The following UTRN variants were observed in gnomAD, a reference collection of about 807,000 sequenced individuals.
UTRN encodes dystrophin-related protein 1.
A neutral mutation model predicts 463.9 loss-of-function variants in UTRN; 283 were observed. That is an observed-to-expected ratio of 0.61 (90% CI 0.55 to 0.67). The LOEUF is 0.67. UTRN is among the 30% of genes least tolerant of loss of function. UTRN has a pLI of 0.00. For missense variants in UTRN, 3,922 were observed against 4,084.3 expected (o/e 0.96, Z 1.08); for synonymous variants, 1,442 against 1,431.5 (o/e 1.01, Z -0.17).
chr6:144,290,698 A>G (rs1239020697), intron 1 of UTRN, among the ~76,000 whole-genome samples: 1 of 149,542 alleles, frequency 6.7e-6, no homozygotes, highest in Non-Finnish European at 1.5e-5. Context: ...ATTCTGCCAT[A>G]GTCTTCACTG....
At chr6:144,802,122 C>T (rs972485062) in intron 64 of UTRN, among the ~76,000 whole-genome samples, 2 of 152,154 alleles carry the variant, frequency 1.3e-5, no homozygotes, top group African/African-American at 4.8e-5. Flanking sequence ...CAGCAGAAAA[C>T]AAAATTTCAT....
chr6:144,561,315 CA>C (rs953238027), intron 50 of UTRN, among the ~76,000 whole-genome samples: 3 of 143,968 alleles, frequency 2.1e-5, no homozygotes, highest in African/African-American at 7.7e-5. Flanking sequence ...TATATACATA[CA>C]CATATATGTG....
At chr6:144,572,386 T>A (rs187670659) in intron 50 of UTRN, among the ~76,000 whole-genome samples, 91 of 152,194 alleles carry the variant, frequency 6.0e-4, no homozygotes, top group Non-Finnish European at 6.8e-4. Context: ...TTAGTTTTTT[T>A]AAAAAAATTT....
At chr6:144,389,560 CTG>C (rs2114760693) in intron 2 of UTRN, among the ~76,000 whole-genome samples, 1 of 151,354 alleles carries the variant, frequency 6.6e-6, no homozygotes, top group African/African-American at 2.4e-5. Flanking sequence ...TTACCAAAGT[CTG>C]AGAAGTTTTT....
intron 51 of UTRN, among the ~76,000 whole-genome samples, chr6:144,579,418 A>G (rs1315942328): frequency 3.3e-5 from 5 of 152,204 alleles, no homozygotes; most frequent in Admixed American, 2.0e-4. Context: ...TAGGCTGTGC[A>G]CTTGAGTAGG....
At chr6:144,575,089 G>A (rs958179249) in intron 50 of UTRN, among the ~76,000 whole-genome samples, 3 of 152,132 alleles carry the variant, frequency 2.0e-5, no homozygotes, top group African/African-American at 7.2e-5. Context: ...TTAACATGAA[G>A]TAATGTCTCA....
intron 51 of UTRN, among the ~76,000 whole-genome samples, chr6:144,611,168 C>T (rs1266335587): frequency 6.6e-6 from 1 of 152,080 alleles, no homozygotes; most frequent in Non-Finnish European, 1.5e-5. Flanking sequence ...AATTCAACAC[C>T]CTTTCATAAT....
At chr6:144,517,409 G>A in intron 39 of UTRN, among the ~76,000 whole-genome samples, 1 of 150,966 alleles carries the variant, frequency 6.6e-6, no homozygotes, top group Non-Finnish European at 1.5e-5. Flanking sequence ...TGTTGCCCAG[G>A]CTGATCTTGA....
intron 54 of UTRN, 136 bp downstream of exon 54, chr6:144,730,622 A>G: frequency 9.3e-7 from 1 of 1,080,080 alleles, no homozygotes; most frequent in Non-Finnish European, 1.2e-6. Context: ...ACTTTATTCA[A>G]ATATGTCATT....
intron 59 of UTRN, among the ~76,000 whole-genome samples, chr6:144,772,850 T>C (rs1794231394): frequency 6.6e-6 from 1 of 152,162 alleles, no homozygotes; most frequent in Non-Finnish European, 1.5e-5. Flanking sequence ...GCGGTTTTTT[T>C]AAGTTTTCTC....
chr6:144,514,462 A>G (rs1795442261), intron 36 of UTRN, among the ~76,000 whole-genome samples, 188 bp from the exon 37 acceptor site: 1 of 152,170 alleles, frequency 6.6e-6, no homozygotes, highest in Admixed American at 6.5e-5. Context: ...TTTTCCAATG[A>G]GAATTACTTA....
At position 144,436,135 on chromosome 6, in the gene UTRN, T is replaced by C. The variant is rs764381133; in HGVS notation, c.1056T>C (p.His352=). The stretch of plus-strand genomic sequence containing the variant: ...AAGTCAAAGACCAGTTTGCAACCCA[T>C]GAAGTAAATATCTGTAGTTTCTTAG... ...VEEVKDQFAT[H]EAFMMELTAH... Residue 352 remains histidine (H), a synonymous_variant, in exon 10 of 75, where the codon CAT becomes CAC. Transcript: ENST00000367545. 1.2e-6 allele frequency: 2 copies of C among 1,613,140 alleles called. No individual in the cohort carries two copies. The highest frequency in any genetic ancestry group is 1.7e-6 in the Non-Finnish European group (2 of 1,179,796).
chr6:144,383,470 C>G (rs1781118021), intron 2 of UTRN, among the ~76,000 whole-genome samples: 1 of 152,188 alleles, frequency 6.6e-6, no homozygotes. Flanking sequence ...GTTACCTGCT[C>G]AGGGAAACTG....
chr6:144,414,656 C>A (rs187378327), intron 3 of UTRN, among the ~76,000 whole-genome samples: 1 of 151,680 alleles, frequency 6.6e-6, no homozygotes, highest in Non-Finnish European at 1.5e-5. Context: ...TCACCCAGAG[C>A]AATTTCTAGT....
At chr6:144,656,098 G>C (rs1161688304) in intron 51 of UTRN, among the ~76,000 whole-genome samples, 1 of 152,166 alleles carries the variant, frequency 6.6e-6, no homozygotes, top group Non-Finnish European at 1.5e-5. Flanking sequence ...TTTAGCTAGA[G>C]ATTCCTGGGT....
chr6:144,742,825 C>G (rs1200176801), intron 54 of UTRN, among the ~76,000 whole-genome samples: 1 of 152,082 alleles, frequency 6.6e-6, no homozygotes, highest in African/African-American at 2.4e-5. Flanking sequence ...AGTAAAAATG[C>G]CAGTTGTGAA....
chr6:144,329,805 C>T (rs1030946100), intron 2 of UTRN, among the ~76,000 whole-genome samples: 12 of 152,176 alleles, frequency 7.9e-5, no homozygotes, highest in Non-Finnish European at 8.8e-5. Flanking sequence ...TTTCCTTAAA[C>T]CTCAGCAGTG....
At chr6:144,782,254 G>GA in intron 61 of UTRN, 131 bp downstream of exon 61, 2 of 774,790 alleles carry the variant, frequency 2.6e-6, no homozygotes, top group South Asian at 4.5e-5. Flanking sequence ...ATTTATGTTT[G>GA]TTGTTGAAAC....
chr6:144,548,786 A>T lies in UTRN; in HGVS notation c.6742A>T (p.Met2248Leu). The T allele has an allele frequency of 6.2e-7, 1 of 1,614,062 alleles. No homozygotes were observed. The highest frequency in any genetic ancestry group is 8.5e-7 in the Non-Finnish European group (1 of 1,179,972). Reference sequence around the variant, plus strand: ...CGACTGGCTGGTATTAATCGACCAGATGCTGAAGTCCAACATTGTCACTGT... The same window carrying T: ...CGACTGGCTGGTATTAATCGACCAGTTGCTGAAGTCCAACATTGTCACTGT... ...LADWLVLIDQ[M>L]LKSNIVTVGD... Residue 2248 changes from methionine to leucine, a missense_variant, in exon 47 of 75, where the codon ATG becomes TTG. Coordinates refer to ENST00000367545, the MANE Select transcript of UTRN (RefSeq NM_007124.3).
Sources: allele counts gnomAD v4.1 joint callset (sites outside exome capture counted in the v4.1 genomes callset), GRCh38; gene constraint gnomAD v4.1.1; transcripts MANE v1.5; gene names NCBI Gene and HGNC (gene_info 2026-07-23, HGNC 2026-07-21).